The following ELK4 variants were observed in gnomAD, a reference collection of about 807,000 sequenced individuals.
The protein encoded by ELK4 is ETS domain-containing protein Elk-4.
In ELK4, 16 loss-of-function variants were observed where a neutral mutation model predicts 29.6. The observed-to-expected ratio is 0.54, with a 90% CI of 0.37 to 0.82. The LOEUF (loss-of-function observed/expected upper bound fraction) is 0.82. ELK4 is among the 40% of genes least tolerant of loss of function. ELK4 has a pLI of 0.00. For missense variants in ELK4, 465 were observed against 507.1 expected (o/e 0.92, Z 0.80); for synonymous variants, 213 against 191.1 (o/e 1.11, Z -0.95).
Position 205,631,744 on chromosome 1 carries a change from AC to A in ELK4, c.-123del. On this transcript the variant is annotated 5_prime_UTR_variant, in exon 1 of 5. It removes the in-frame stop codon of an upstream open reading frame in the 5' UTR. Coordinates refer to ENST00000357992, the MANE Select transcript of ELK4 (RefSeq NM_001973.4). ...CGAGGACGGCGCGGCAGCCGCTGCG[AC>A]CCCCGCGGCGGAGCCGTAGAAGGCG... 4 of 299,180 alleles carry A rather than the reference AC, an allele frequency of 1.3e-5. No individual in the cohort carries two copies. The highest frequency in any genetic ancestry group is 2.4e-5 in the South Asian group (1 of 40,886). 18.5% of individuals were successfully genotyped at this position (299,180 alleles called of 1,614,324 possible). A position where few individuals can be genotyped will look rare whatever the true frequency, so the allele number is the denominator to read the frequency against.
Position 205,615,561 on chromosome 1 carries a change from T to C in ELK4, c.*985A>G, listed in dbSNP as rs935909232. 2.1e-5 allele frequency: 4 copies of C among 192,206 alleles called. No individual in the cohort carries two copies. Among genetic ancestry groups the C allele is most frequent in the East Asian group, 8.2e-5 (1 of 12,142 alleles). The allele number at this position is 192,206 out of a possible 1,614,324, so 11.9% of individuals were successfully genotyped here. ...ATGTATAGTAGAAAATGAGGTAAAA[T>C]GAACAGGAAAAAGACAGGTCCTTCA... On this transcript the variant is annotated 3_prime_UTR_variant, in exon 5 of 5. Coordinates refer to ENST00000357992, the MANE Select transcript of ELK4 (RefSeq NM_001973.4).
rs1553243122 is a variant in ELK4 at position 205,618,016 on chromosome 1, AGTGT to A, written c.1197+937_1197+940del. ...GAGAGAGAGCAAGAGAGAGAGAGAGAGTGTGTGTGTGTGGATTTTGTTTTTTTGA... is the reference window on the plus strand; with the variant it reads ...GAGAGAGAGCAAGAGAGAGAGAGAGAGTGTGTGTGGATTTTGTTTTTTTGA... On this transcript the variant is annotated intron_variant, in intron 4 of 4. Transcript: ENST00000357992. 1.5e-4 allele frequency among the ~76,000 whole-genome samples: 22 copies of A among 151,042 alleles called. No homozygotes were observed. In the East Asian group the frequency reaches 3.9e-3, roughly 27 times the overall value.
At chr1:205,625,424 A>C in intron 1 of ELK4, 1 of 545,664 alleles carries the variant, frequency 1.8e-6, no homozygotes, top group Non-Finnish European at 3.4e-6. Flanking sequence ...ACTGCCACCC[A>C]CCTCCCGGCT....
In ELK4 at chr1:205,625,955, G is replaced by A. The variant is rs527663160; in HGVS notation, c.-9-2064C>T. 365 of 902,646 alleles carry A rather than the reference G, an allele frequency of 4.0e-4. No homozygotes were observed. In the African/African-American group the frequency reaches 5.6e-3, roughly 14 times the overall value. 55.9% of individuals were successfully genotyped at this position (902,646 alleles called of 1,614,324 possible). A position where few individuals can be genotyped will look rare whatever the true frequency, so the allele number is the denominator to read the frequency against. Reference sequence around the variant, plus strand: ...GCCTCCCAAAATGCTGGGATTACAGGCATAAGCCACTGCGCCCGGCCCAGT... The same window carrying A: ...GCCTCCCAAAATGCTGGGATTACAGACATAAGCCACTGCGCCCGGCCCAGT... On this transcript the variant is annotated intron_variant, in intron 1 of 4. Coordinates refer to ENST00000357992, the MANE Select transcript of ELK4 (RefSeq NM_001973.4).
chr1:205,608,500 G>A lies in ELK4; in HGVS notation c.*8046C>T, dbSNP rs987432693. The A allele has an allele frequency of 1.6e-5, 3 of 188,418 alleles. No individual in the cohort carries two copies. The highest frequency in any genetic ancestry group is 3.3e-5 in the Non-Finnish European group (3 of 90,302). The allele number at this position is 188,418 out of a possible 1,614,324, so 11.7% of individuals were successfully genotyped here. On this transcript the variant is annotated 3_prime_UTR_variant, in exon 5 of 5. Coordinates refer to ENST00000357992, the MANE Select transcript of ELK4 (RefSeq NM_001973.4). ...GAGATGTGGCAGCTTCCCTCCAGCT[G>A]TTTCATCAACTAACATGAAGTTTAA...
In ELK4 at chr1:205,620,637, T is replaced by C; in HGVS notation, c.409A>G (p.Ser137Gly). 2 of 1,614,168 alleles carry C rather than the reference T, an allele frequency of 1.2e-6. No individual in the cohort carries two copies. The highest frequency in any genetic ancestry group is 1.7e-6 in the Non-Finnish European group (2 of 1,180,028). Residue 137 changes from serine to glycine, a missense_variant, in exon 3 of 5, where the codon AGC becomes GGC. This residue lies in a region of ELK4 where 385 missense variants were observed against 387.5 expected (regional missense o/e 0.99). Coordinates refer to ENST00000357992, the MANE Select transcript of ELK4 (RefSeq NM_001973.4). ...CCAGAGTGTATGTAGTCATTGCGGC[T>C]AGAGGTCTTGGCACCAGGCTGAGGT... ...KPPQPGAKTS[S>G]RNDYIHSGLY...
intron 1 of ELK4, among the ~76,000 whole-genome samples, chr1:205,626,637 C>G (rs1299061392): frequency 1.3e-5 from 2 of 152,162 alleles, no homozygotes; most frequent in African/African-American, 4.8e-5. Context: ...TGAGAAACCA[C>G]TTCATGCCTA....
chr1:205,616,102 G>C lies in ELK4; in HGVS notation c.*444C>G, dbSNP rs964916306. ...ACAGAGCACACTTAGTCCTAAAGAT[G>C]CCAATTCATTTCACAAATATTTCTT... On this transcript the variant is annotated 3_prime_UTR_variant, in exon 5 of 5. Transcript: ENST00000357992. The C allele has an allele frequency of 7.9e-5, 19 of 239,594 alleles. No homozygotes were observed. In the East Asian group the frequency reaches 1.1e-3, roughly 14 times the overall value. 14.8% of individuals were successfully genotyped at this position (239,594 alleles called of 1,614,324 possible).
rs61374496 is a variant in ELK4 at position 205,629,170 on chromosome 1, C to CAAAAAAAAAAAAAAA, written c.-10+2447_-10+2461dup. 2.8e-4 allele frequency among the ~76,000 whole-genome samples: 26 copies of CAAAAAAAAAAAAAAA among 92,284 alleles called. 1 individual carries two copies. The highest frequency in any genetic ancestry group is 7.7e-4 in the African/African-American group (17 of 21,954). The allele number at this position is 92,284 out of a possible 152,430, so 60.5% of individuals were successfully genotyped here. ...TGGGCAACAGAGCAAGACTACGTCTCAAAAAAAAAAAAAAAAAAGAAAAGA... is the reference window on the plus strand; with the variant it reads ...TGGGCAACAGAGCAAGACTACGTCTCAAAAAAAAAAAAAAAAAAAAAAAAAAAAAAAAAGAAAAGA... On this transcript the variant is annotated intron_variant, in intron 1 of 4. Coordinates refer to ENST00000357992, the MANE Select transcript of ELK4 (RefSeq NM_001973.4).
chr1:205,631,127 A>C (rs1292488780), intron 1 of ELK4, among the ~76,000 whole-genome samples: 1 of 152,236 alleles, frequency 6.6e-6, no homozygotes, highest in African/African-American at 2.4e-5. Context: ...GCGGAAAGTA[A>C]AGAGGGGCGG....
At position 205,611,487 on chromosome 1, in the gene ELK4, A is replaced by G. The variant is rs1425318497; in HGVS notation, c.*5059T>C. 5 of 208,640 alleles carry G rather than the reference A, an allele frequency of 2.4e-5. No individual in the cohort carries two copies. Among genetic ancestry groups the G allele is most frequent in the South Asian group, 1.9e-4 (1 of 5,328 alleles). 12.9% of individuals were successfully genotyped at this position (208,640 alleles called of 1,614,324 possible). ...AGGCAATGCCAGCAACATTAAAACAATAACAAAACATTTGTTGATCCCAAA... is the reference window on the plus strand; with the variant it reads ...AGGCAATGCCAGCAACATTAAAACAGTAACAAAACATTTGTTGATCCCAAA... On this transcript the variant is annotated 3_prime_UTR_variant, in exon 5 of 5. Coordinates refer to ENST00000357992, the MANE Select transcript of ELK4 (RefSeq NM_001973.4).
intron 1 of ELK4, among the ~76,000 whole-genome samples, chr1:205,631,135 CG>C (rs1670575431): frequency 6.6e-6 from 1 of 152,088 alleles, no homozygotes; most frequent in Non-Finnish European, 1.5e-5. Context: ...TAAAGAGGGG[CG>C]GGGGGCCGCT....
Position 205,613,216 on chromosome 1 carries a change from G to C in ELK4, c.*3330C>G, listed in dbSNP as rs1030784512. ...CCAGGTGTGGTGGTGCATGCCTGTA[G>C]CCCAGCTATGCAGGAGGCTGAGGCA... is the stretch of plus-strand genomic sequence containing the variant. On this transcript the variant is annotated 3_prime_UTR_variant, in exon 5 of 5. Transcript: ENST00000357992. 4.0e-5 allele frequency: 8 copies of C among 198,160 alleles called. No homozygotes were observed. Among genetic ancestry groups the C allele is most frequent in the Middle Eastern group, 1.6e-3 (1 of 624 alleles). The allele number at this position is 198,160 out of a possible 1,614,324, so 12.3% of individuals were successfully genotyped here. A position where few individuals can be genotyped will look rare whatever the true frequency, so the allele number is the denominator to read the frequency against.
intron 1 of ELK4, among the ~76,000 whole-genome samples, chr1:205,624,460 A>G (rs1279041616): frequency 2.0e-5 from 3 of 152,176 alleles, no homozygotes; most frequent in Non-Finnish European, 4.4e-5. Context: ...TTCCATCACC[A>G]TAAATGTCAT....
chr1:205,621,263 A>G (rs899917644), intron 2 of ELK4, among the ~76,000 whole-genome samples: 6 of 151,684 alleles, frequency 4.0e-5, no homozygotes, highest in Admixed American at 2.6e-4. Flanking sequence ...AGTAGACATC[A>G]CTTACTTAAA....
chr1:205,620,328 T>C lies in ELK4; in HGVS notation c.718A>G (p.Thr240Ala), dbSNP rs780141583. The C allele has an allele frequency of 5.0e-6, 8 of 1,613,942 alleles. No homozygotes were observed. Among genetic ancestry groups the C allele is most frequent in the East Asian group, 2.2e-5 (1 of 44,862 alleles). Reference sequence around the variant, plus strand: ...GCAGTCATTACGTTAGAGGCAGAGGTTGGGGCTTCCAGGGAAGGCAGTTTT... The same window carrying C: ...GCAGTCATTACGTTAGAGGCAGAGGCTGGGGCTTCCAGGGAAGGCAGTTTT... ...SPKLPSLEAP[T>A]SASNVMTAFA... is the part of the protein sequence containing the mutation. Residue 240 changes from threonine (T) to alanine (A), a missense_variant, in exon 3 of 5, where the codon ACC becomes GCC. By Grantham distance (58) the Thr-to-Ala change is moderately conservative (BLOSUM62 0). This residue lies in a region of ELK4 where 385 missense variants were observed against 387.5 expected (regional missense o/e 0.99). Transcript: ENST00000357992.
chr1:205,623,798 T>A lies in ELK4; in HGVS notation c.85A>T (p.Asn29Tyr). The change falls in exon 2 of 5, where the codon AAT becomes TAT. Residue 29 changes from asparagine (N) to tyrosine (Y), a missense_variant. Transcript: ENST00000357992. Reference sequence around the variant, plus strand: ...TGCAAAAGCTTAAACTGCCCATCATTAGAGGTCCAACAGATCATGTGCTTG... The same window carrying A: ...TGCAAAAGCTTAAACTGCCCATCATAAGAGGTCCAACAGATCATGTGCTTG... ...QNKHMICWTS[N>Y]DGQFKLLQAE... 6.2e-7 allele frequency: 1 copy of A among 1,614,142 alleles called. No homozygotes were observed. Among genetic ancestry groups the A allele is most frequent in the Non-Finnish European group, 8.5e-7 (1 of 1,180,014 alleles).
rs543429885 is a variant in ELK4, at chr1:205,627,724, A to T, written c.-9-3833T>A. 6.2e-4 allele frequency among the ~76,000 whole-genome samples: 95 copies of T among 152,328 alleles called. 1 individual carries two copies. Among genetic ancestry groups the T allele is most frequent in the Middle Eastern group, 6.8e-3 (2 of 294 alleles). On this transcript the variant is annotated intron_variant, in intron 1 of 4. Coordinates refer to ENST00000357992, the MANE Select transcript of ELK4 (RefSeq NM_001973.4). ...TAACTCACAGAAGATGGGATTCTTA[A>T]GGGTCAACTATACCTACTTCCAAAA...
At chr1:205,624,703 T>C (rs1670418552) in intron 1 of ELK4, among the ~76,000 whole-genome samples, 1 of 152,154 alleles carries the variant, frequency 6.6e-6, no homozygotes, top group African/African-American at 2.4e-5. Context: ...GATAATTCTT[T>C]GTTGTGGGAA....
Sources: gnomAD v4.1 joint callset for allele counts (sites outside exome capture counted in the v4.1 genomes callset) on GRCh38, gnomAD v4.1.1 for gene constraint, gnomAD v4.1.1 regional missense constraint, MANE v1.5 for transcripts, NCBI Gene and HGNC (gene_info 2026-07-23, HGNC 2026-07-21) for gene names.